KCNH5: variants seen among roughly 807,000 people sequenced by gnomAD.
KCNH5 encodes potassium voltage-gated channel subfamily H member 5.
A neutral mutation model predicts 96.1 loss-of-function variants in KCNH5; 46 were observed. The observed-to-expected ratio is 0.48, with a 90% confidence interval of 0.38 to 0.61. KCNH5 has a LOEUF of 0.61. Ranked by LOEUF, KCNH5 falls within the 20% of genes least tolerant of loss-of-function variation. The pLI, the probability that KCNH5 is intolerant of heterozygous loss-of-function variation, is 0.00. For missense variants in KCNH5, 907 were observed against 1,225.8 expected (o/e 0.74, Z 3.88); for synonymous variants, 439 against 449.8 (o/e 0.98, Z 0.30).
At chr14:62,957,586 A>C (rs942244516) in intron 6 of KCNH5, among the ~76,000 whole-genome samples, 2 of 152,204 alleles carry the variant, frequency 1.3e-5, no homozygotes, top group African/African-American at 4.8e-5. Flanking sequence ...TATCTCTTAA[A>C]TCTAGACTGA....
At chr14:62,859,261 T>C (rs1887988034) in intron 7 of KCNH5, among the ~76,000 whole-genome samples, 1 of 152,162 alleles carries the variant, frequency 6.6e-6, no homozygotes. Context: ...TCTCTGTTGC[T>C]GGCAAATTGG....
At chr14:63,005,264 G>A (rs374275054) in intron 3 of KCNH5, among the ~76,000 whole-genome samples, 15 of 152,158 alleles carry the variant, frequency 9.9e-5, no homozygotes, top group East Asian at 9.6e-4. Flanking sequence ...AAAAACAAAT[G>A]TTTCCATTAT....
intron 5 of KCNH5, among the ~76,000 whole-genome samples, chr14:62,984,913 A>G (rs1890676333): frequency 6.6e-6 from 1 of 152,194 alleles, no homozygotes. Context: ...TGTCTTCTCT[A>G]TGGCCCCCTT....
In KCNH5 at chr14:62,802,452, G is replaced by A. The variant is rs1410306404; in HGVS notation, c.1699C>T (p.Gln567Ter). The A allele has an allele frequency of 6.2e-7, 1 of 1,613,996 alleles. No individual in the cohort carries two copies. Among genetic ancestry groups the A allele is most frequent in the Non-Finnish European group, 8.5e-7 (1 of 1,180,018 alleles). ...TCCCCGGGAGCACAGTGAATGGTTT[G>A]GAACTCTACCGCCAAGGCGCGCAGA... is the stretch of plus-strand genomic sequence containing the variant. ...GCLRALAVEF[Q>*]TIHCAPGDLI... The change falls in exon 9 of 11, where the codon CAA becomes TAA. Residue 567 changes from glutamine (Q) to a stop codon, truncating the protein, a stop_gained. Coordinates refer to ENST00000322893, the MANE Select transcript of KCNH5 (RefSeq NM_139318.5). LOFTEE classifies it high-confidence loss of function.
intron 10 of KCNH5, among the ~76,000 whole-genome samples, chr14:62,771,469 CA>C (rs1289386691): frequency 6.6e-6 from 1 of 151,964 alleles, no homozygotes; most frequent in Non-Finnish European, 1.5e-5. Context: ...TATTACAAAA[CA>C]AAAAATTAGC....
intron 1 of KCNH5, among the ~76,000 whole-genome samples, chr14:63,019,517 A>C (rs926426434): frequency 2.0e-5 from 3 of 152,080 alleles, no homozygotes; most frequent in Non-Finnish European, 2.9e-5. Context: ...AAACAAAATG[A>C]GTTCAGAAAC....
At chr14:62,951,266 T>G (rs1890000251) in intron 6 of KCNH5, among the ~76,000 whole-genome samples, 1 of 152,192 alleles carries the variant, frequency 6.6e-6, no homozygotes, top group African/African-American at 2.4e-5. Context: ...AATTCATATT[T>G]TGTTGAGAAG....
intron 10 of KCNH5, among the ~76,000 whole-genome samples, chr14:62,729,799 C>T (rs1207215154): frequency 1.3e-5 from 2 of 152,112 alleles, no homozygotes; most frequent in Non-Finnish European, 2.9e-5. Flanking sequence ...CAGGTCTAGC[C>T]TACTACAAAT....
chr14:63,006,498 C>T lies in KCNH5; in HGVS notation c.198-26G>A, dbSNP rs370979952. On this transcript the variant is annotated intron_variant, in intron 2 of 10. Coordinates refer to ENST00000322893, the MANE Select transcript of KCNH5 (RefSeq NM_139318.5). ...CTGGGGGGGAAAAAAAACAAACAATCGATTTCACTTTTGTGTTGCCTTTCA... is the reference window on the plus strand; with the variant it reads ...CTGGGGGGGAAAAAAAACAAACAATTGATTTCACTTTTGTGTTGCCTTTCA... 21 of 1,353,662 alleles carry T rather than the reference C, an allele frequency of 1.6e-5. No homozygotes were observed. The African/African-American group carries it at 2.6e-4, about 17-fold the overall frequency. The allele number at this position is 1,353,662 out of a possible 1,614,324, so 83.9% of individuals were successfully genotyped here.
At chr14:62,948,713 G>T (rs1394653007) in intron 7 of KCNH5, among the ~76,000 whole-genome samples, 6 of 151,280 alleles carry the variant, frequency 4.0e-5, no homozygotes, top group Non-Finnish European at 8.8e-5. Context: ...CAAAAAAAGA[G>T]AATTTTAGAC....
At chr14:62,899,230 T>C (rs1393125286) in intron 7 of KCNH5, among the ~76,000 whole-genome samples, 4 of 152,148 alleles carry the variant, frequency 2.6e-5, no homozygotes, top group Admixed American at 2.0e-4. Context: ...ACTTACTTTC[T>C]GATTTAAAAA....
chr14:62,881,671 A>G (rs1000357033), intron 7 of KCNH5, among the ~76,000 whole-genome samples: 10 of 152,184 alleles, frequency 6.6e-5, no homozygotes, highest in African/African-American at 2.4e-4. Flanking sequence ...TATGCACATT[A>G]CTAGTCATGG....
At chr14:62,721,300 G>T (rs565736838) in intron 10 of KCNH5, among the ~76,000 whole-genome samples, 41 of 152,194 alleles carry the variant, frequency 2.7e-4, no homozygotes, top group African/African-American at 9.6e-4. Flanking sequence ...ATAGAAAAAA[G>T]ATTTTTAAAG....
intron 7 of KCNH5, among the ~76,000 whole-genome samples, chr14:62,915,198 CT>C (rs936105198): frequency 6.6e-6 from 1 of 152,280 alleles, no homozygotes; most frequent in South Asian, 2.1e-4. Flanking sequence ...ACTAATTGTG[CT>C]TTTTTCCTGT....
chr14:62,973,682 C>A (rs1890450821), intron 6 of KCNH5, among the ~76,000 whole-genome samples: 1 of 152,032 alleles, frequency 6.6e-6, no homozygotes, highest in South Asian at 2.1e-4. Context: ...ACATAACAAA[C>A]TTAGACAGGC....
intron 10 of KCNH5, among the ~76,000 whole-genome samples, chr14:62,774,086 A>G (rs1476395046): frequency 6.6e-6 from 1 of 152,200 alleles, no homozygotes; most frequent in Non-Finnish European, 1.5e-5. Flanking sequence ...CTATTGCAGC[A>G]TAAGATACAA....
chr14:62,870,469 A>G (rs1201259418), intron 7 of KCNH5, among the ~76,000 whole-genome samples: 1 of 152,198 alleles, frequency 6.6e-6, no homozygotes, highest in Non-Finnish European at 1.5e-5. Flanking sequence ...TCCTAATGGC[A>G]TGGCACAGAA....
chr14:62,857,016 A>T (rs1887943318), intron 7 of KCNH5, among the ~76,000 whole-genome samples: 1 of 152,186 alleles, frequency 6.6e-6, no homozygotes, highest in Non-Finnish European at 1.5e-5. Context: ...AGGACACAGC[A>T]GGATCACTTT....
chr14:62,869,931 T>C (rs1317049510), intron 7 of KCNH5, among the ~76,000 whole-genome samples: 6 of 152,172 alleles, frequency 3.9e-5, no homozygotes, highest in African/African-American at 1.2e-4. Context: ...CCTTACATCT[T>C]ATACAAAAAT....
Sources: allele counts gnomAD v4.1 joint callset (sites outside exome capture counted in the v4.1 genomes callset), GRCh38; gene constraint gnomAD v4.1.1; transcripts MANE v1.5; gene names NCBI Gene and HGNC (gene_info 2026-07-23, HGNC 2026-07-21).